The following SNX6 variants were observed in gnomAD, a reference collection of about 807,000 sequenced individuals.
The protein encoded by SNX6 is sorting nexin-6.
SNX6 carries 34 observed loss-of-function variants against 63.0 expected under a neutral mutation model. That is an observed-to-expected ratio of 0.54 (90% CI 0.41 to 0.72). The LOEUF is 0.72. Among genes scored for constraint, SNX6 ranks in the 30% least tolerant of loss-of-function variants. The probability of loss-of-function intolerance (pLI) is 0.00; values close to 1 mark genes in which losing one functional copy is unlikely to be tolerated. For synonymous variants in SNX6, 170 were observed against 164.2 expected, an observed-to-expected ratio of 1.04 and a Z score of -0.27; for missense variants, 398 against 471.4, an observed-to-expected ratio of 0.84 and a Z score of 1.44.
intron 2 of SNX6, among the ~76,000 whole-genome samples, chr14:34,614,091 A>T (rs1171778474): frequency 1.3e-5 from 2 of 152,002 alleles, no homozygotes; most frequent in African/African-American, 2.4e-5. Flanking sequence ...TGGAAGACAG[A>T]GCGAGACTCC....
At chr14:34,574,328 T>G (rs1231118631) in intron 11 of SNX6, among the ~76,000 whole-genome samples, 1 of 132,888 alleles carries the variant, frequency 7.5e-6, no homozygotes, top group Non-Finnish European at 1.6e-5. Flanking sequence ...AGAGCTAGAG[T>G]CCACCTCAAA....
chr14:34,628,822 G>T (rs1883926498), intron 2 of SNX6, among the ~76,000 whole-genome samples: 1 of 152,128 alleles, frequency 6.6e-6, no homozygotes, highest in Admixed American at 6.6e-5. Flanking sequence ...GCTGTGAAAT[G>T]TGAAGGAACC....
chr14:34,602,590 CAA>C (rs200915421), intron 6 of SNX6, among the ~76,000 whole-genome samples: 88,483 of 115,942 alleles, frequency 0.76, 32,640 homozygotes, highest in East Asian at 0.82. Flanking sequence ...GACTCTGTCT[CAA>C]AAAAAAAAAA....
At chr14:34,591,750 T>C (rs1416475710) in intron 8 of SNX6, among the ~76,000 whole-genome samples, 3 of 152,230 alleles carry the variant, frequency 2.0e-5, no homozygotes, top group African/African-American at 4.8e-5. Context: ...AATACTACCT[T>C]TGTTTTCCTT....
intron 2 of SNX6, among the ~76,000 whole-genome samples, chr14:34,628,630 T>C (rs925499534): frequency 1.3e-5 from 2 of 152,168 alleles, no homozygotes; most frequent in Non-Finnish European, 2.9e-5. Flanking sequence ...TACTGTCTCA[T>C]AAAACCAAAT....
At chr14:34,613,912 A>G (rs1324568330) in intron 2 of SNX6, among the ~76,000 whole-genome samples, 1 of 151,802 alleles carries the variant, frequency 6.6e-6, no homozygotes. Flanking sequence ...TTCAAGACCA[A>G]TGTGGCCAAG....
intron 10 of SNX6, among the ~76,000 whole-genome samples, chr14:34,576,737 C>T (rs943974016): frequency 3.9e-5 from 6 of 151,910 alleles, no homozygotes; most frequent in Non-Finnish European, 5.9e-5. Context: ...GTGTGAACCA[C>T]CATGCCCAGT....
chr14:34,615,450 G>C (rs1280805283), intron 2 of SNX6, among the ~76,000 whole-genome samples: 1 of 152,112 alleles, frequency 6.6e-6, no homozygotes, highest in Non-Finnish European at 1.5e-5. Flanking sequence ...TCGACCTCCT[G>C]GGCTTAAGTG....
At chr14:34,613,709 C>T (rs950312933) in intron 2 of SNX6, among the ~76,000 whole-genome samples, 2 of 151,484 alleles carry the variant, frequency 1.3e-5, no homozygotes, top group African/African-American at 2.4e-5. Context: ...AGGAGAATGG[C>T]GTGAACCCAG....
At chr14:34,579,066 CTCAT>C (rs1302265528) in intron 10 of SNX6, among the ~76,000 whole-genome samples, 1 of 148,780 alleles carries the variant, frequency 6.7e-6, no homozygotes, top group African/African-American at 2.5e-5. Context: ...AATGCTCATA[CTCAT>C]TCTTGTGGGC....
intron 2 of SNX6, among the ~76,000 whole-genome samples, chr14:34,617,020 T>A: frequency 6.6e-6 from 1 of 152,000 alleles, no homozygotes; most frequent in East Asian, 1.9e-4. Context: ...AGGCGGAGGC[T>A]GCAGTGAGCC....
chr14:34,603,869 A>G (rs1237880145), intron 5 of SNX6, among the ~76,000 whole-genome samples: 1 of 152,170 alleles, frequency 6.6e-6, no homozygotes, highest in Non-Finnish European at 1.5e-5. Flanking sequence ...AAAAAATTAA[A>G]ACCCAAACCT....
intron 2 of SNX6, among the ~76,000 whole-genome samples, chr14:34,612,468 T>C (rs1883268457): frequency 6.8e-6 from 1 of 147,604 alleles, no homozygotes; most frequent in South Asian, 2.2e-4. Flanking sequence ...AGTCTCACTT[T>C]GTCCCCTGAG....
At chr14:34,627,538 G>A (rs977853321) in intron 2 of SNX6, among the ~76,000 whole-genome samples, 5 of 151,034 alleles carry the variant, frequency 3.3e-5, no homozygotes, top group Non-Finnish European at 5.9e-5. Context: ...GTGCAATGGT[G>A]CAATCTCAGC....
intron 8 of SNX6, among the ~76,000 whole-genome samples, chr14:34,592,113 TGCGGTGGCTCACGCCTGTAATCCCTGCAC>T (rs1186174050): frequency 6.6e-6 from 1 of 151,978 alleles, no homozygotes; most frequent in African/African-American, 2.4e-5. Context: ...AGTGGCCAGG[TGCGGTGGCTCACGCCTGTAATCCCTGCAC>T]TTTGGAAGGC....
At chr14:34,582,793 T>G (rs555599283) in intron 9 of SNX6, among the ~76,000 whole-genome samples, 28 of 151,480 alleles carry the variant, frequency 1.8e-4, no homozygotes, top group African/African-American at 6.8e-4. Flanking sequence ...TCTGCCCACC[T>G]TGGCCTCCCA....
chr14:34,588,247 T>C (rs1882254320), intron 8 of SNX6, among the ~76,000 whole-genome samples: 1 of 152,124 alleles, frequency 6.6e-6, no homozygotes, highest in African/African-American at 2.4e-5. Context: ...GACCTTGTGA[T>C]CGGCCCGCCT....
intron 2 of SNX6, among the ~76,000 whole-genome samples, chr14:34,620,762 G>A (rs762772994): frequency 4.6e-5 from 7 of 152,028 alleles, no homozygotes; most frequent in Non-Finnish European, 7.3e-5. Context: ...GCAACATAGC[G>A]AAACCCTGTG....
Position 34,624,108 on chromosome 14 carries a change from TC to T in SNX6, c.54+5798del, listed in dbSNP as rs1883731994. On this transcript the variant is annotated intron_variant, in intron 2 of 13. Transcript: ENST00000362031. ...TTAAATTTCTCACAAAACAATATTT[TC>T]CTTTTTTTTTGAGACAGTTTCGCTC... is the stretch of plus-strand genomic sequence containing the variant. Among the ~76,000 whole-genome samples the T allele has an allele frequency of 4.0e-5, 5 of 124,596 alleles. 1 individual carries two copies. The South Asian group carries it at 1.5e-3, about 36-fold the overall frequency. The allele number at this position is 124,596 out of a possible 152,430, so 81.7% of individuals were successfully genotyped here. A position where few individuals can be genotyped will look rare whatever the true frequency, so the allele number is the denominator to read the frequency against.
Sources: gnomAD v4.1 joint callset for allele counts (sites outside exome capture counted in the v4.1 genomes callset) on GRCh38, gnomAD v4.1.1 for gene constraint, MANE v1.5 for transcripts, NCBI Gene and HGNC (gene_info 2026-07-23, HGNC 2026-07-21) for gene names.